Variants in COL4A3 observed in about 807,000 individuals in gnomAD.
COL4A3 encodes collagen type IV alpha 3 chain.
Under a neutral mutation model 217.4 loss-of-function variants are expected in COL4A3, and 135 were observed. The observed-to-expected ratio is 0.62, with a 90% CI of 0.54 to 0.72. COL4A3 has a LOEUF of 0.72. COL4A3 is among the 30% of genes least tolerant of loss of function. COL4A3 has a pLI of 0.00. For synonymous variants in COL4A3, 690 were observed against 736.3 expected, an observed-to-expected ratio of 0.94 and a Z score of 1.02; for missense variants, 1,868 against 2,119.9, an observed-to-expected ratio of 0.88 and a Z score of 2.33.
At position 227,253,751 on chromosome 2, in the gene COL4A3, C is replaced by T. The variant is rs1284761773; in HGVS notation, c.765+113C>T. ...GTTATCTAAGTCCAGCTCAGCCCAG[C>T]TCCCTCAGCCAGCCAGAACCTCCAG... is the stretch of plus-strand genomic sequence containing the variant. On this transcript the variant is annotated intron_variant, in intron 13 of 51. Coordinates refer to ENST00000396578, the MANE Select transcript of COL4A3 (RefSeq NM_000091.5). This position sits in a 1 kb window ranked among gnomAD's most constrained non-coding sequence, Gnocchi z 4.4. 2 of 934,110 alleles carry T rather than the reference C, an allele frequency of 2.1e-6. No individual in the cohort carries two copies. The highest frequency in any genetic ancestry group is 3.5e-6 in the Non-Finnish European group (2 of 563,770). 57.9% of individuals were successfully genotyped at this position (934,110 alleles called of 1,614,324 possible).
At chr2:227,290,700 A>G in intron 36 of COL4A3, 47 bp from the exon 37 acceptor site, 7 of 1,545,970 alleles carry the variant, frequency 4.5e-6, no homozygotes, top group Non-Finnish European at 6.2e-6. Context: ...AAACTTCAAG[A>G]TCCTCATGTT....
chr2:227,240,202 T>C lies in COL4A3; in HGVS notation c.204T>C (p.Pro68=), dbSNP rs200170381. 82 of 1,611,954 alleles carry C rather than the reference T, an allele frequency of 5.1e-5. No individual in the cohort carries two copies. In the African/African-American group the frequency reaches 9.5e-4, roughly 19 times the overall value. ...CTGGCCAGAAAGGATTCACAGGTCC[T>C]GAAGGCTTGCCTGGACCGCAGGGAC... The part of the protein sequence containing the change: ...GSPGQKGFTG[P]EGLPGPQGPK... The change falls in exon 3 of 52, where the codon CCT becomes CCC. Residue 68 remains proline (P), a synonymous_variant. Coordinates refer to ENST00000396578, the MANE Select transcript of COL4A3 (RefSeq NM_000091.5).
chr2:227,231,589 T>C (rs28503952), intron 1 of COL4A3, among the ~76,000 whole-genome samples: 48,688 of 151,920 alleles, frequency 0.32, 8,239 homozygotes, highest in Non-Finnish European at 0.36. Context: ...GGCATGATCT[T>C]GGCTCATTGC....
chr2:227,249,230 A>ATTTTTTTTTTTTTTTTTT (rs1247683938), intron 9 of COL4A3, among the ~76,000 whole-genome samples: 2 of 14,692 alleles, frequency 1.4e-4, no homozygotes, highest in Non-Finnish European at 2.5e-4. Flanking sequence ...ATATATATAT[A>ATTTTTTTTTTTTTTTTTT]TTTTTTTTTT....
chr2:227,273,156 G>A, intron 26 of COL4A3, 39 bp downstream of exon 26: 9 of 1,608,010 alleles, frequency 5.6e-6, no homozygotes, highest in Non-Finnish European at 7.7e-6. Context: ...TTCCGATGGA[G>A]TGGGTTGATG....
intron 1 of COL4A3, among the ~76,000 whole-genome samples, chr2:227,208,633 A>G (rs2067190115): frequency 6.6e-6 from 1 of 152,178 alleles, no homozygotes; most frequent in Admixed American, 6.6e-5. Flanking sequence ...GACTGAGTTG[A>G]GTAATGATGA....
At chr2:227,172,027 T>C (rs922742230) in intron 1 of COL4A3, among the ~76,000 whole-genome samples, 1 of 152,052 alleles carries the variant, frequency 6.6e-6, no homozygotes, top group African/African-American at 2.4e-5. Context: ...TTCACTGGAG[T>C]TGTATACGTG....
chr2:227,271,877 T>TA (rs1329698668), intron 25 of COL4A3, among the ~76,000 whole-genome samples: 1 of 152,204 alleles, frequency 6.6e-6, no homozygotes, highest in African/African-American at 2.4e-5. Context: ...TTCTATGAAA[T>TA]ACCAGTTTCT....
intron 43 of COL4A3, among the ~76,000 whole-genome samples, chr2:227,299,295 T>C (rs2073175665): frequency 6.6e-6 from 1 of 152,168 alleles, no homozygotes; most frequent in African/African-American, 2.4e-5. Flanking sequence ...CTCAGGAGGC[T>C]GAGGCAGGAG....
At chr2:227,227,464 G>A (rs1168661513) in intron 1 of COL4A3, among the ~76,000 whole-genome samples, 1 of 151,988 alleles carries the variant, frequency 6.6e-6, no homozygotes, top group African/African-American at 2.4e-5. Flanking sequence ...GGAGGCAGAG[G>A]TTGCAGTCAG....
At chr2:227,249,165 C>T (rs1179837054) in intron 9 of COL4A3, among the ~76,000 whole-genome samples, 2 of 132,514 alleles carry the variant, frequency 1.5e-5, no homozygotes, top group African/African-American at 5.6e-5. Flanking sequence ...ACCTAAACCA[C>T]AAGTGCTAAC....
At chr2:227,216,242 C>A (rs1410035997) in intron 1 of COL4A3, among the ~76,000 whole-genome samples, 3 of 152,152 alleles carry the variant, frequency 2.0e-5, no homozygotes, top group Non-Finnish European at 4.4e-5. Context: ...CATCCTTCCA[C>A]AATTAAATTT....
Position 227,222,169 on chromosome 2 carries a change from A to AATG in COL4A3, c.88-15796_88-15794dup, listed in dbSNP as rs542416616. ...TAATAATAATAATAATAATAATGAT[A>AATG]ATGATAATAAAAAGCTCCTTAAGCA... On this transcript the variant is annotated intron_variant, in intron 1 of 51. Transcript: ENST00000396578. Among the ~76,000 whole-genome samples, 589 of 71,048 alleles carry AATG rather than the reference A, an allele frequency of 8.3e-3. 10 individuals carry two copies. Among genetic ancestry groups the AATG allele is most frequent in the African/African-American group, 0.025 (523 of 21,214 alleles). The allele number at this position is 71,048 out of a possible 152,430, so 46.6% of individuals were successfully genotyped here. A position where few individuals can be genotyped will look rare whatever the true frequency, so the allele number is the denominator to read the frequency against.
rs983894945 is a variant in COL4A3 at position 227,266,461 on chromosome 2, C to A, written c.1360C>A (p.Pro454Thr). Reference protein sequence around the residue: ...RKGPPGDHGLPGYLGSPGIPG... With the variant: ...RKGPPGDHGLTGYLGSPGIPG... The stretch of plus-strand genomic sequence containing the variant: ...GGGTCCACCTGGAGATCACGGACTG[C>A]CAGGCTATCTAGGGTCTCCAGGAAT... Residue 454 changes from proline (P) to threonine (T), a missense_variant, in exon 22 of 52, where the codon CCA becomes ACA. By Grantham distance (38) the Pro-to-Thr change is conservative (BLOSUM62 -1). Coordinates refer to ENST00000396578, the MANE Select transcript of COL4A3 (RefSeq NM_000091.5). The A allele has an allele frequency of 9.3e-6, 15 of 1,613,936 alleles. No homozygotes were observed. The highest frequency in any genetic ancestry group is 1.1e-5 in the Non-Finnish European group (13 of 1,179,984).
chr2:227,241,040 C>T (rs1166801713), intron 3 of COL4A3, among the ~76,000 whole-genome samples: 1 of 152,184 alleles, frequency 6.6e-6, no homozygotes, highest in African/African-American at 2.4e-5. Flanking sequence ...CCTTCCCTTC[C>T]TTTGTGGGTT....
intron 26 of COL4A3, among the ~76,000 whole-genome samples, chr2:227,275,049 T>C (rs1559889014): frequency 6.6e-6 from 1 of 152,266 alleles, no homozygotes; most frequent in Non-Finnish European, 1.5e-5. Context: ...GCTGCTTTTA[T>C]GCTACAATGG....
intron 1 of COL4A3, among the ~76,000 whole-genome samples, chr2:227,198,727 G>A (rs2066576161): frequency 6.6e-6 from 1 of 152,194 alleles, no homozygotes; most frequent in Non-Finnish European, 1.5e-5. Context: ...CTGTTACAGT[G>A]AGGTAAGTTT....
At chr2:227,215,194 T>C (rs2067480855) in intron 1 of COL4A3, among the ~76,000 whole-genome samples, 1 of 152,118 alleles carries the variant, frequency 6.6e-6, no homozygotes, top group South Asian at 2.1e-4. Flanking sequence ...CGTTTTTCCC[T>C]CATTATGAAA....
intron 28 of COL4A3, among the ~76,000 whole-genome samples, chr2:227,278,922 A>C (rs532686199): frequency 6.6e-6 from 1 of 152,308 alleles, no homozygotes; most frequent in Non-Finnish European, 1.5e-5. Context: ...ACCAGAGATC[A>C]CAGAAAGTGT....
Sources: gnomAD v4.1 joint callset for allele counts (sites outside exome capture counted in the v4.1 genomes callset) on GRCh38, gnomAD v4.1.1 for gene constraint, Gnocchi (gnomAD v3.1) non-coding constraint, MANE v1.5 for transcripts, NCBI Gene and HGNC (gene_info 2026-07-23, HGNC 2026-07-21) for gene names.